The following SLC9A9 variants were observed in gnomAD, a reference collection of about 807,000 sequenced individuals.
SLC9A9 encodes the protein solute carrier family 9 member A9, also known as sodium/hydrogen exchanger 9.
Under a neutral mutation model 77.8 loss-of-function variants are expected in SLC9A9, and 62 were observed. The observed-to-expected ratio is 0.80, with a 90% CI of 0.65 to 0.98. SLC9A9 has a LOEUF of 0.98. SLC9A9 is among the 50% of genes least tolerant of loss of function. The pLI is 0.00. For synonymous variants in SLC9A9, 320 were observed against 283.5 expected, an observed-to-expected ratio of 1.13 and a Z score of -1.29; for missense variants, 775 against 774.9, an observed-to-expected ratio of 1.00 and a Z score of 0.00.
intron 6 of SLC9A9, among the ~76,000 whole-genome samples, chr3:143,610,257 TC>T (rs2038003241): frequency 6.6e-6 from 1 of 152,112 alleles, no homozygotes; most frequent in Non-Finnish European, 1.5e-5. Context: ...CAAGCAATCC[TC>T]CCACCTCAGG....
chr3:143,282,449 C>G (rs1201303917), intron 14 of SLC9A9, among the ~76,000 whole-genome samples: 1 of 152,214 alleles, frequency 6.6e-6, no homozygotes, highest in East Asian at 1.9e-4. Flanking sequence ...TGCTTGAAGC[C>G]TGTTGCATAG....
intron 4 of SLC9A9, among the ~76,000 whole-genome samples, chr3:143,768,534 T>C (rs2007407439): frequency 6.6e-6 from 1 of 152,204 alleles, no homozygotes; most frequent in African/African-American, 2.4e-5. Context: ...ATATCTCATA[T>C]AACATAGGAG....
intron 4 of SLC9A9, among the ~76,000 whole-genome samples, chr3:143,776,938 A>C (rs2007709830): frequency 6.6e-6 from 1 of 152,202 alleles, no homozygotes; most frequent in African/African-American, 2.4e-5. Context: ...AATTAGGGGA[A>C]TGGTACAATA....
At chr3:143,274,666 GA>G (rs1937994423) in intron 14 of SLC9A9, among the ~76,000 whole-genome samples, 2 of 152,124 alleles carry the variant, frequency 1.3e-5, no homozygotes, top group Admixed American at 1.3e-4. Flanking sequence ...AGTTCTTATG[GA>G]TATTTCCAAT....
At chr3:143,539,360 T>G (rs776314475) in intron 9 of SLC9A9, among the ~76,000 whole-genome samples, 2 of 152,228 alleles carry the variant, frequency 1.3e-5, no homozygotes, top group Non-Finnish European at 2.9e-5. Context: ...ATTTCTTTTC[T>G]GAAGGAATTG....
At chr3:143,541,282 C>T (rs1005580726) in intron 9 of SLC9A9, among the ~76,000 whole-genome samples, 7 of 152,108 alleles carry the variant, frequency 4.6e-5, no homozygotes, top group Non-Finnish European at 7.4e-5. Context: ...ACGAGGACAC[C>T]CAAGCAGCCC....
chr3:143,420,384 T>C (rs373035381), intron 12 of SLC9A9, among the ~76,000 whole-genome samples: 35 of 152,350 alleles, frequency 2.3e-4, no homozygotes, highest in African/African-American at 8.2e-4. Flanking sequence ...TAAAACTCTA[T>C]GGCAAAATTT....
At chr3:143,413,850 AG>A (rs1156279884) in intron 12 of SLC9A9, among the ~76,000 whole-genome samples, 1 of 152,016 alleles carries the variant, frequency 6.6e-6, no homozygotes. Context: ...GTTATGGTAA[AG>A]GTATGTTAGC....
chr3:143,806,739 G>GGGT (rs2008726417), intron 2 of SLC9A9, among the ~76,000 whole-genome samples: 2 of 150,272 alleles, frequency 1.3e-5, no homozygotes, highest in Non-Finnish European at 3.0e-5. Flanking sequence ...TGTGGTGGTG[G>GGGT]GGGGGGCAAG....
intron 14 of SLC9A9, among the ~76,000 whole-genome samples, chr3:143,350,648 T>A (rs535740792): frequency 9.1e-4 from 139 of 152,296 alleles, no homozygotes; most frequent in African/African-American, 3.2e-3. Context: ...TCAAAGTGGT[T>A]TCATTCACCT....
At chr3:143,727,246 A>C (rs576677304) in intron 4 of SLC9A9, among the ~76,000 whole-genome samples, 85 of 152,220 alleles carry the variant, frequency 5.6e-4, no homozygotes, top group African/African-American at 2.0e-3. Context: ...TGAAAACCAA[A>C]TCTTTTTATT....
chr3:143,349,452 A>G (rs904236844), intron 14 of SLC9A9, among the ~76,000 whole-genome samples: 2 of 152,188 alleles, frequency 1.3e-5, no homozygotes, highest in Admixed American at 1.3e-4. Flanking sequence ...AATAATAATA[A>G]CAAGAGCAGC....
At chr3:143,451,620 C>T (rs973063813) in intron 12 of SLC9A9, among the ~76,000 whole-genome samples, 11 of 151,896 alleles carry the variant, frequency 7.2e-5, no homozygotes, top group Non-Finnish European at 1.5e-4. Flanking sequence ...TACTAGTTCA[C>T]CGATAACCAA....
At chr3:143,704,690 C>A (rs1177073678) in intron 4 of SLC9A9, among the ~76,000 whole-genome samples, 1 of 107,402 alleles carries the variant, frequency 9.3e-6, no homozygotes, top group East Asian at 2.2e-4. Context: ...CATCAACAGA[C>A]AAATGGATTA....
chr3:143,371,161 A>G (rs7619769), intron 13 of SLC9A9, among the ~76,000 whole-genome samples: 93,948 of 151,930 alleles, frequency 0.62, 29,281 homozygotes, highest in African/African-American at 0.64. Context: ...ACAAAGGCTT[A>G]CAGGGAGAAA....
intron 6 of SLC9A9, among the ~76,000 whole-genome samples, chr3:143,605,334 C>T (rs778271681): frequency 2.7e-4 from 41 of 152,090 alleles, no homozygotes; most frequent in Non-Finnish European, 5.3e-4. Flanking sequence ...CAGAAGTTGC[C>T]AACTCAGGTG....
At chr3:143,531,875 A>AT (rs1226597586) in intron 9 of SLC9A9, among the ~76,000 whole-genome samples, 16 of 152,142 alleles carry the variant, frequency 1.1e-4, no homozygotes, top group Admixed American at 1.0e-3. Flanking sequence ...AGTTAACATG[A>AT]TTTTCAGACT....
chr3:143,845,108 A>G (rs2009804700), intron 1 of SLC9A9, among the ~76,000 whole-genome samples: 1 of 152,020 alleles, frequency 6.6e-6, no homozygotes, highest in South Asian at 2.1e-4. Context: ...TTATTGCAAT[A>G]ATTTACTTAT....
chr3:143,318,520 A>G (rs934025500), intron 14 of SLC9A9, among the ~76,000 whole-genome samples: 28 of 152,230 alleles, frequency 1.8e-4, no homozygotes, highest in Admixed American at 1.8e-3. Context: ...GTAACTACAT[A>G]CAGACCTCAC....
Sources: allele counts gnomAD v4.1 joint callset (sites outside exome capture counted in the v4.1 genomes callset), GRCh38; gene constraint gnomAD v4.1.1; transcripts MANE v1.5; gene names NCBI Gene and HGNC (gene_info 2026-07-23, HGNC 2026-07-21).